Variants in UGT2B10 observed in about 807,000 individuals in gnomAD.
UGT2B10 encodes the protein UDP-glucuronosyltransferase 2B10.
Under a neutral mutation model 43.7 loss-of-function variants are expected in UGT2B10, and 51 were observed. That is an observed-to-expected ratio of 1.17 (90% CI 0.93 to 1.47). The LOEUF is 1.47. UGT2B10 is among the 40% of genes most tolerant of loss of function. UGT2B10 has a pLI of 0.00. For synonymous variants in UGT2B10, 225 were observed against 209.0 expected (o/e 1.08, Z -0.66); for missense variants, 696 against 617.7 (o/e 1.13, Z -1.34).
intron 5 of UGT2B10, among the ~76,000 whole-genome samples, chr4:68,828,331 TATA>T (rs1737906579): frequency 6.6e-6 from 1 of 152,006 alleles, no homozygotes; most frequent in Admixed American, 6.6e-5. Context: ...TTTACACTTG[TATA>T]ATATTTTTTA....
In UGT2B10 at chr4:68,831,948, T is replaced by C. The variant is rs1738116974; in HGVS notation, c.*1069T>C. On this transcript the variant is annotated 3_prime_UTR_variant, in exon 6 of 6. Transcript: ENST00000265403. ...TCTCTTTGCTAGTCACTCTGAGCCA[T>C]GGTCATGATGACTTAGGATTCTGGA... is the stretch of plus-strand genomic sequence containing the variant. Among the ~76,000 whole-genome samples the C allele has an allele frequency of 6.6e-6, 1 of 152,070 alleles. No individual in the cohort carries two copies. The highest frequency in any genetic ancestry group is 2.4e-5 in the African/African-American group (1 of 41,438).
chr4:68,831,067 G>T lies in UGT2B10; in HGVS notation c.*188G>T. On this transcript the variant is annotated 3_prime_UTR_variant, in exon 6 of 6. Transcript: ENST00000265403. ...CCCAGTTAATGGTTAGAAATATTCT[G>T]TGGCAATGAAGAAAACACTAGGGGA... 1.1e-5 allele frequency: 8 copies of T among 731,672 alleles called. No homozygotes were observed. Among genetic ancestry groups the T allele is most frequent in the Non-Finnish European group, 1.3e-5 (6 of 461,452 alleles). 45.3% of individuals were successfully genotyped at this position (731,672 alleles called of 1,614,324 possible).
At chr4:68,821,943 G>A (rs1004599748) in intron 2 of UGT2B10, among the ~76,000 whole-genome samples, 7 of 114,058 alleles carry the variant, frequency 6.1e-5, no homozygotes, top group Non-Finnish European at 1.1e-4. Flanking sequence ...AGCAATTATA[G>A]TATTATAAGT....
At chr4:68,820,138 C>T (rs1260475400) in intron 2 of UGT2B10, among the ~76,000 whole-genome samples, 1 of 151,828 alleles carries the variant, frequency 6.6e-6, no homozygotes, top group Non-Finnish European at 1.5e-5. Context: ...GAGAGTAGGA[C>T]AATGTAGAAG....
In UGT2B10 at chr4:68,818,071, T is replaced by C. The variant is rs749638323; in HGVS notation, c.761T>C (p.Ile254Thr). 3 of 1,611,686 alleles carry C rather than the reference T, an allele frequency of 1.9e-6. No individual in the cohort carries two copies. The highest frequency in any genetic ancestry group is 2.5e-6 in the Non-Finnish European group (3 of 1,178,518). Residue 254 changes from isoleucine (I) to threonine (T), a missense_variant, in exon 2 of 6, where the codon ATA becomes ACA. Ile to Thr is a moderately conservative substitution (Grantham distance 89). Transcript: ENST00000265403. The part of the protein sequence containing the change: ...TLSETMRKAD[I>T]WLMRNSWNFK... ...TCTGAGACAATGAGGAAAGCTGACA[T>C]ATGGCTTATGCGAAACTCCTGGAAT...
chr4:68,817,242 T>C (rs1182149705), intron 1 of UGT2B10, among the ~76,000 whole-genome samples: 1 of 151,750 alleles, frequency 6.6e-6, no homozygotes, highest in African/African-American at 2.4e-5. Flanking sequence ...ATATCTCAGA[T>C]GCAAAAATCA....
rs76198256 is a variant in UGT2B10, at chr4:68,831,469, G to A, written c.*590G>A. Among the ~76,000 whole-genome samples the A allele has an allele frequency of 0.079, 11,950 of 152,120 alleles. 495 individuals carry two copies. The highest frequency in any genetic ancestry group is 0.18 in the East Asian group (933 of 5,138). ...CACTAACATAAAAGAAGAATGGGATGAGGTGAGAAGGATGAATACAAAAAT... is the reference window on the plus strand; with the variant it reads ...CACTAACATAAAAGAAGAATGGGATAAGGTGAGAAGGATGAATACAAAAAT... On this transcript the variant is annotated 3_prime_UTR_variant, in exon 6 of 6. Coordinates refer to ENST00000265403, the MANE Select transcript of UGT2B10 (RefSeq NM_001075.6).
At position 68,816,077 on chromosome 4, in the gene UGT2B10, G is replaced by T; in HGVS notation, c.58G>T (p.Gly20Trp). 1.2e-6 allele frequency: 2 copies of T among 1,613,090 alleles called. 1 individual carries two copies. Among genetic ancestry groups the T allele is most frequent in the South Asian group, 2.2e-5 (2 of 91,052 alleles). Residue 20 changes from glycine (G) to tryptophan (W), a missense_variant, in exon 1 of 6, where the codon GGG (glycine) becomes TGG (tryptophan). Transcript: ENST00000265403. Reference sequence around the variant, plus strand: ...ACAACTCAGTTTTTACTTTAGCTCTGGGAGTTGTGGAAAGGTGCTGGTATG... The same window carrying T: ...ACAACTCAGTTTTTACTTTAGCTCTTGGAGTTGTGGAAAGGTGCTGGTATG... Reference protein sequence around the residue: ...LIQLSFYFSSGSCGKVLVWAA... With the variant: ...LIQLSFYFSSWSCGKVLVWAA...
intron 3 of UGT2B10, 141 bp downstream of exon 3, chr4:68,822,543 C>G (rs1169385718): frequency 6.5e-7 from 1 of 1,532,944 alleles, no homozygotes; most frequent in Non-Finnish European, 8.8e-7. Context: ...ATAGCATCCA[C>G]TGACAGAAGT....
intron 3 of UGT2B10, among the ~76,000 whole-genome samples, chr4:68,822,842 G>A (rs1286794476): frequency 1.3e-5 from 2 of 152,114 alleles, no homozygotes; most frequent in South Asian, 2.1e-4. Flanking sequence ...CTGTGTTCTT[G>A]TAGAAATACA....
At chr4:68,818,951 A>G (rs761494174) in intron 2 of UGT2B10, among the ~76,000 whole-genome samples, 8 of 151,922 alleles carry the variant, frequency 5.3e-5, no homozygotes, top group Non-Finnish European at 7.4e-5. Flanking sequence ...TTATAAGAAA[A>G]GCCTCCAAGA....
intron 1 of UGT2B10, among the ~76,000 whole-genome samples, chr4:68,817,230 C>T (rs1385146235): frequency 2.0e-5 from 3 of 151,642 alleles, no homozygotes; most frequent in African/African-American, 7.3e-5. Flanking sequence ...GAGATAATGT[C>T]TATATCTCAG....
At position 68,830,495 on chromosome 4, in the gene UGT2B10, C is replaced by T. The variant is rs1738032267; in HGVS notation, c.1308-105C>T. The T allele has an allele frequency of 1.5e-5, 20 of 1,310,962 alleles. No individual in the cohort carries two copies. In the South Asian group the frequency reaches 3.9e-4, roughly 25 times the overall value. The allele number at this position is 1,310,962 out of a possible 1,614,324, so 81.2% of individuals were successfully genotyped here. On this transcript the variant is annotated intron_variant, in intron 5 of 5. Transcript: ENST00000265403. ...CATAAATTCTATATCAATTCTTTGACATTTACTTTGAATTATTTGACACTT... is the reference window on the plus strand; with the variant it reads ...CATAAATTCTATATCAATTCTTTGATATTTACTTTGAATTATTTGACACTT...
At chr4:68,824,144 G>A (rs141984028) in intron 3 of UGT2B10, among the ~76,000 whole-genome samples, 1,592 of 152,314 alleles carry the variant, frequency 0.01, 37 homozygotes, top group South Asian at 0.059. Context: ...CTACATTTTG[G>A]CATAGGCCTA....
chr4:68,817,919 C>T, intron 1 of UGT2B10, 110 bp from the exon 2 acceptor site: 1 of 1,302,016 alleles, frequency 7.7e-7, no homozygotes, highest in Non-Finnish European at 1.0e-6. Context: ...TTTTTCAAAG[C>T]ACACAAACTT....
intron 5 of UGT2B10, among the ~76,000 whole-genome samples, 185 bp from the exon 6 acceptor site, chr4:68,830,415 A>G (rs780269529): frequency 3.9e-4 from 59 of 152,040 alleles, no homozygotes; most frequent in Admixed American, 2.6e-3. Flanking sequence ...ATATTTGTCA[A>G]TGAGAAAAGT....
At chr4:68,817,770 T>G (rs2109683610) in intron 1 of UGT2B10, among the ~76,000 whole-genome samples, 1 of 151,920 alleles carries the variant, frequency 6.6e-6, no homozygotes, top group South Asian at 2.1e-4. Context: ...TTAATAATTG[T>G]GAGTATACTG....
At chr4:68,830,455 A>G in intron 5 of UGT2B10, 145 bp from the exon 6 acceptor site, 4 of 1,072,272 alleles carry the variant, frequency 3.7e-6, no homozygotes, top group Non-Finnish European at 4.9e-6. Context: ...TTGTATGATG[A>G]CTCAAATTAA....
intron 5 of UGT2B10, among the ~76,000 whole-genome samples, chr4:68,829,544 A>G (rs189391811): frequency 8.3e-4 from 127 of 152,160 alleles, no homozygotes; most frequent in African/African-American, 3.0e-3. Flanking sequence ...AATTCTAGGA[A>G]TCAGATAGAA....
Sources: allele counts gnomAD v4.1 joint callset (sites outside exome capture counted in the v4.1 genomes callset), GRCh38; gene constraint gnomAD v4.1.1; transcripts MANE v1.5; gene names NCBI Gene and HGNC (gene_info 2026-07-23, HGNC 2026-07-21).